Variants in PPP2R5A observed in about 807,000 individuals in gnomAD.
PPP2R5A encodes the protein serine/threonine-protein phosphatase 2A 56 kDa regulatory subunit alpha isoform.
A neutral mutation model predicts 64.2 loss-of-function variants in PPP2R5A; 25 were observed. The observed-to-expected ratio is 0.39, with a 90% CI of 0.28 to 0.54. The LOEUF (loss-of-function observed/expected upper bound fraction) is 0.54, where lower values mean the gene tolerates loss of function less well. Ranked by LOEUF, PPP2R5A falls within the 20% of genes least tolerant of loss-of-function variation. The probability of loss-of-function intolerance (pLI) is 0.67; values close to 1 mark genes in which losing one functional copy is unlikely to be tolerated. For missense variants in PPP2R5A, 425 were observed against 576.3 expected, an observed-to-expected ratio of 0.74 and a Z score of 2.69; for synonymous variants, 198 against 201.2, an observed-to-expected ratio of 0.98 and a Z score of 0.13.
intron 1 of PPP2R5A, among the ~76,000 whole-genome samples, chr1:212,314,697 A>G (rs753436961): frequency 6.6e-6 from 1 of 151,612 alleles, no homozygotes; most frequent in Non-Finnish European, 1.5e-5. Context: ...AGCTGGGACT[A>G]CAGGCACGTG....
chr1:212,331,531 C>T (rs1297790952), intron 2 of PPP2R5A: 1 of 151,974 alleles, frequency 6.6e-6, no homozygotes, highest in Non-Finnish European at 1.5e-5. Flanking sequence ...GGCTTAAACT[C>T]CTACAGACAA....
intron 1 of PPP2R5A, among the ~76,000 whole-genome samples, chr1:212,320,600 C>T (rs376013989): frequency 8.4e-4 from 123 of 146,814 alleles, no homozygotes; most frequent in Non-Finnish European, 1.5e-3. Context: ...CCCTCCCGGA[C>T]GGGGCAGCTG....
rs1207973441 is a variant in PPP2R5A at position 212,304,496 on chromosome 1, C to G, written c.181+18205C>G. Among the ~76,000 whole-genome samples the G allele has an allele frequency of 2.6e-5, 4 of 151,878 alleles. No individual in the cohort carries two copies. In the East Asian group the frequency reaches 7.8e-4, roughly 30 times the overall value. ...CCTGGGAGGAGGAGGTTGTGGTGAG[C>G]CGAGATCACGCCATTACACTCCAGC... is the stretch of plus-strand genomic sequence containing the variant. On this transcript the variant is annotated intron_variant, in intron 1 of 12. Transcript: ENST00000261461.
At chr1:212,352,192 T>G (rs887098672) in intron 8 of PPP2R5A, among the ~76,000 whole-genome samples, 3 of 149,358 alleles carry the variant, frequency 2.0e-5, no homozygotes, top group Non-Finnish European at 3.0e-5. Flanking sequence ...CCCGGCTAGG[T>G]TTTTTTTTGT....
At chr1:212,312,302 G>C (rs1035125628) in intron 1 of PPP2R5A, among the ~76,000 whole-genome samples, 2 of 152,168 alleles carry the variant, frequency 1.3e-5, no homozygotes, top group Non-Finnish European at 2.9e-5. Context: ...AACTGCCTGA[G>C]GATGCATTCT....
intron 1 of PPP2R5A, among the ~76,000 whole-genome samples, chr1:212,313,345 A>G (rs1342179237): frequency 1.3e-5 from 2 of 152,250 alleles, no homozygotes; most frequent in African/African-American, 2.4e-5. Flanking sequence ...CCCAATAGGT[A>G]TAAAGTGATG....
intron 1 of PPP2R5A, among the ~76,000 whole-genome samples, chr1:212,312,362 C>G (rs1313974940): frequency 6.6e-6 from 1 of 152,162 alleles, no homozygotes; most frequent in Non-Finnish European, 1.5e-5. Flanking sequence ...ACCACTAGCT[C>G]TTGGTATTCT....
At chr1:212,322,265 G>GGGGGGA (rs1659319036) in intron 1 of PPP2R5A, among the ~76,000 whole-genome samples, 1 of 85,278 alleles carries the variant, frequency 1.2e-5, no homozygotes. Context: ...GAGAGGGAGA[G>GGGGGGA]GAGGGAGAGG....
intron 1 of PPP2R5A, among the ~76,000 whole-genome samples, chr1:212,307,782 G>A (rs1008012457): frequency 4.6e-5 from 7 of 152,120 alleles, no homozygotes; most frequent in African/African-American, 7.2e-5. Context: ...AGGTAGAACA[G>A]CTAGCAAAAA....
At chr1:212,337,537 T>C (rs1285083911) in intron 3 of PPP2R5A, among the ~76,000 whole-genome samples, 1 of 152,154 alleles carries the variant, frequency 6.6e-6, no homozygotes, top group Non-Finnish European at 1.5e-5. Flanking sequence ...CTTGGCCATA[T>C]ACTATATTTT....
At chr1:212,324,155 T>C (rs898441018) in intron 1 of PPP2R5A, among the ~76,000 whole-genome samples, 1 of 152,176 alleles carries the variant, frequency 6.6e-6, no homozygotes, top group Non-Finnish European at 1.5e-5. Context: ...AAATTCATCA[T>C]TAGACAAATT....
chr1:212,343,132 T>C (rs1659714497), intron 4 of PPP2R5A, among the ~76,000 whole-genome samples: 2 of 151,856 alleles, frequency 1.3e-5, no homozygotes, highest in South Asian at 4.2e-4. Context: ...TTTCTATTTC[T>C]AGTAGAGACG....
intron 1 of PPP2R5A, among the ~76,000 whole-genome samples, chr1:212,293,821 T>C (rs1658645514): frequency 6.6e-6 from 1 of 152,154 alleles, no homozygotes; most frequent in African/African-American, 2.4e-5. Context: ...TGTGATGTTA[T>C]ATCTAGTTGA....
intron 1 of PPP2R5A, among the ~76,000 whole-genome samples, chr1:212,327,351 A>G (rs4951589): frequency 0.3 from 45,407 of 152,168 alleles, 7,341 homozygotes; most frequent in Non-Finnish European, 0.37. Context: ...AAAAGGATTT[A>G]ACATTTGTTA....
In PPP2R5A at chr1:212,309,362, G is replaced by A. The variant is rs913433052; in HGVS notation, c.182-19773G>A. Reference sequence around the variant, plus strand: ...GGATATTTGGGCTGCCTCCGGAGTCGCAGTGTCTTGGGCCGCCGGAAGGTG... The same window carrying A: ...GGATATTTGGGCTGCCTCCGGAGTCACAGTGTCTTGGGCCGCCGGAAGGTG... On this transcript the variant is annotated intron_variant, in intron 1 of 12. Transcript: ENST00000261461. 2.2e-5 allele frequency: 33 copies of A among 1,515,842 alleles called. No homozygotes were observed. In the South Asian group the frequency reaches 2.5e-4, roughly 11 times the overall value. The allele number at this position is 1,515,842 out of a possible 1,614,324, so 93.9% of individuals were successfully genotyped here.
chr1:212,320,168 A>G (rs1250872436), intron 1 of PPP2R5A, among the ~76,000 whole-genome samples: 2 of 151,856 alleles, frequency 1.3e-5, no homozygotes, highest in Non-Finnish European at 2.9e-5. Context: ...TGCTGCCTTC[A>G]AGCATCTGTT....
Position 212,345,822 on chromosome 1 carries a change from G to C in PPP2R5A, c.593G>C (p.Ser198Thr). Residue 198 changes from serine to threonine, a missense_variant, in exon 5 of 13, where the codon AGT (serine) becomes ACT (threonine). Ser to Thr is a moderately conservative substitution (Grantham distance 58). Coordinates refer to ENST00000261461, the MANE Select transcript of PPP2R5A (RefSeq NM_006243.4). ...FVQQLLELFD[S>T]EDPRERDFLK... ...TTAAAGCTCCTGGAGCTTTTTGATAGTGAAGATCCCAGAGAACGTGACTTC... is the reference window on the plus strand; with the variant it reads ...TTAAAGCTCCTGGAGCTTTTTGATACTGAAGATCCCAGAGAACGTGACTTC... 6.2e-7 allele frequency: 1 copy of C among 1,604,824 alleles called. No individual in the cohort carries two copies. The highest frequency in any genetic ancestry group is 8.5e-7 in the Non-Finnish European group (1 of 1,177,788).
chr1:212,349,096 TGAG>T, intron 7 of PPP2R5A, 90 bp from the exon 8 acceptor site: 1 of 711,618 alleles, frequency 1.4e-6, no homozygotes, highest in Non-Finnish European at 2.1e-6. Context: ...TTTATCAAAA[TGAG>T]GTAGTCTAAA....
intron 1 of PPP2R5A, among the ~76,000 whole-genome samples, chr1:212,294,889 G>A (rs1658664432): frequency 6.6e-6 from 1 of 152,200 alleles, no homozygotes; most frequent in Non-Finnish European, 1.5e-5. Context: ...AGGCCAGAAG[G>A]TGTTAGGCCA....
Sources: allele counts gnomAD v4.1 joint callset (sites outside exome capture counted in the v4.1 genomes callset), GRCh38; gene constraint gnomAD v4.1.1; transcripts MANE v1.5; gene names NCBI Gene and HGNC (gene_info 2026-07-23, HGNC 2026-07-21).